CLPB: variants seen among roughly 807,000 people sequenced by gnomAD.
CLPB encodes the protein mitochondrial disaggregase.
In CLPB, 40 loss-of-function variants were observed where a neutral mutation model predicts 78.4. The ratio of observed to expected loss-of-function variants is 0.51; its 90% CI spans 0.40 to 0.66. The LOEUF is 0.66. CLPB is among the 30% of genes least tolerant of loss of function. The probability of loss-of-function intolerance (pLI) is 0.00; values close to 1 mark genes in which losing one functional copy is unlikely to be tolerated. For missense variants in CLPB, 780 were observed against 886.9 expected (o/e 0.88, Z 1.53); for synonymous variants, 333 against 348.0 (o/e 0.96, Z 0.48).
intron 1 of CLPB, among the ~76,000 whole-genome samples, chr11:72,432,310 G>A (rs565801360): frequency 2.6e-5 from 4 of 152,222 alleles, no homozygotes; most frequent in East Asian, 1.9e-4. Context: ...CTAGGTATTC[G>A]GGAAAGTTGC....
intron 5 of CLPB, among the ~76,000 whole-genome samples, chr11:72,339,099 C>T (rs978002209): frequency 1.3e-5 from 2 of 152,180 alleles, no homozygotes; most frequent in African/African-American, 2.4e-5. Flanking sequence ...TTATCTATGA[C>T]ATGGATATCA....
intron 5 of CLPB, among the ~76,000 whole-genome samples, 191 bp from the exon 6 acceptor site, chr11:72,329,995 G>T (rs931254547): frequency 6.6e-6 from 1 of 152,152 alleles, no homozygotes; most frequent in Non-Finnish European, 1.5e-5. Flanking sequence ...CTACACACAC[G>T]TAGATGTGTT....
chr11:72,301,524 C>A (rs543536769), intron 11 of CLPB, among the ~76,000 whole-genome samples: 1 of 152,176 alleles, frequency 6.6e-6, no homozygotes, highest in Non-Finnish European at 1.5e-5. Context: ...ATTCATGTCT[C>A]GCTCTCATGG....
Position 72,317,329 on chromosome 11 carries a change from G to C in CLPB, c.874-109C>G, listed in dbSNP as rs373561391. The stretch of plus-strand genomic sequence containing the variant: ...ACAGGTCTGGGTATCCAGGGGTCCT[G>C]CTTCATAGCTGTGGTTCATGGTCAC... On this transcript the variant is annotated intron_variant, in intron 6 of 15. Transcript: ENST00000538039. 8.9e-5 allele frequency: 66 copies of C among 740,492 alleles called. No individual in the cohort carries two copies. In the African/African-American group the frequency reaches 1.0e-3, roughly 12 times the overall value. The allele number at this position is 740,492 out of a possible 1,614,324, so 45.9% of individuals were successfully genotyped here.
At chr11:72,383,351 C>T (rs1431393902) in intron 3 of CLPB, among the ~76,000 whole-genome samples, 12 of 151,524 alleles carry the variant, frequency 7.9e-5, no homozygotes, top group South Asian at 2.1e-4. Context: ...GGTGAAACCC[C>T]GTCTCTACTA....
chr11:72,333,134 A>G (rs1950257611), intron 5 of CLPB, among the ~76,000 whole-genome samples: 1 of 152,228 alleles, frequency 6.6e-6, no homozygotes, highest in South Asian at 2.1e-4. Flanking sequence ...ATTTGCTTGA[A>G]CTAGGAGTAA....
Sources: gnomAD v4.1 joint callset for allele counts (sites outside exome capture counted in the v4.1 genomes callset) on GRCh38, gnomAD v4.1.1 for gene constraint, MANE v1.5 for transcripts, NCBI Gene and HGNC (gene_info 2026-07-23, HGNC 2026-07-21) for gene names.